The following PRKAR1B variants were observed in gnomAD, a reference collection of about 807,000 sequenced individuals.
PRKAR1B encodes the protein cAMP-dependent protein kinase type I-beta regulatory subunit.
PRKAR1B carries 22 observed loss-of-function variants against 46.5 expected under a neutral mutation model. The observed-to-expected ratio is 0.47, with a 90% CI of 0.34 to 0.68. The LOEUF (loss-of-function observed/expected upper bound fraction) is 0.68. Ranked by LOEUF, PRKAR1B falls within the 30% of genes least tolerant of loss-of-function variation. PRKAR1B has a pLI of 0.01. For missense variants in PRKAR1B, 445 were observed against 535.6 expected, an observed-to-expected ratio of 0.83 and a Z score of 1.67; for synonymous variants, 259 against 217.7, an observed-to-expected ratio of 1.19 and a Z score of -1.67.
At chr7:561,387 G>GT (rs903088620) in intron 9 of PRKAR1B, among the ~76,000 whole-genome samples, 2 of 152,196 alleles carry the variant, frequency 1.3e-5, no homozygotes, top group African/African-American at 2.4e-5. Context: ...GCATTTTTAT[G>GT]TTTTTTTAAG....
At position 630,755 on chromosome 7, in the gene PRKAR1B, T is replaced by C. The variant is rs367722377; in HGVS notation, c.441-23303A>G. Among the ~76,000 whole-genome samples, 26 of 151,898 alleles carry C rather than the reference T, an allele frequency of 1.7e-4. No homozygotes were observed. In the East Asian group the frequency reaches 5.1e-3, roughly 30 times the overall value. On this transcript the variant is annotated intron_variant, in intron 4 of 10. Coordinates refer to ENST00000537384, the MANE Select transcript of PRKAR1B (RefSeq NM_001164760.2). ...TCAGGACCAGGGAGACAGACAGGGATTGCAAACTCAGCCACCCCCAGGCCC... is the reference window on the plus strand; with the variant it reads ...TCAGGACCAGGGAGACAGACAGGGACTGCAAACTCAGCCACCCCCAGGCCC...
chr7:605,746 A>G (rs1205161226), intron 6 of PRKAR1B, among the ~76,000 whole-genome samples: 2 of 152,142 alleles, frequency 1.3e-5, no homozygotes, highest in Non-Finnish European at 2.9e-5. Flanking sequence ...CAGGCGCAAA[A>G]GGCAGCCGTT....
chr7:604,210 G>A (rs1417715570), intron 6 of PRKAR1B, among the ~76,000 whole-genome samples: 1 of 152,340 alleles, frequency 6.6e-6, no homozygotes, highest in Non-Finnish European at 1.5e-5. Flanking sequence ...CGGCTGGGAT[G>A]CTGGCCGCAT....
chr7:580,590 A>G (rs1780117184), intron 8 of PRKAR1B, among the ~76,000 whole-genome samples: 1 of 152,144 alleles, frequency 6.6e-6, no homozygotes, highest in Admixed American at 6.5e-5. Context: ...TTATCTTTAA[A>G]TGCTTGCAAA....
intron 9 of PRKAR1B, among the ~76,000 whole-genome samples, chr7:554,662 G>C (rs1382086645): frequency 6.7e-6 from 1 of 149,232 alleles, no homozygotes; most frequent in African/African-American, 2.5e-5. Flanking sequence ...AGAGCCAGAA[G>C]ACAGGGGAGG....
intron 9 of PRKAR1B, among the ~76,000 whole-genome samples, chr7:563,951 G>A (rs1778980189): frequency 6.6e-6 from 1 of 152,112 alleles, no homozygotes; most frequent in South Asian, 2.1e-4. Flanking sequence ...GTGCACACTG[G>A]CTGATTATGT....
At chr7:551,199 A>G (rs111891169) in intron 10 of PRKAR1B, among the ~76,000 whole-genome samples, 190 bp downstream of exon 10, 3,364 of 152,168 alleles carry the variant, frequency 0.022, 128 homozygotes, top group East Asian at 0.15. Flanking sequence ...GGGGACCCAG[A>G]CCTGGCCCTG....
rs564734408 is a variant in PRKAR1B, at chr7:644,387, G to C, written c.440+32842C>G. ...AAACTGAGGCGCGCACATTCGGAAC[G>C]GGGTTTTGCTCCTCCTTGGGTGTGC... On this transcript the variant is annotated intron_variant, in intron 4 of 10. Coordinates refer to ENST00000537384, the MANE Select transcript of PRKAR1B (RefSeq NM_001164760.2). The surrounding 1 kb of genome is among the most constrained non-coding windows in gnomAD (Gnocchi z 4.9). Among the ~76,000 whole-genome samples the C allele has an allele frequency of 1.8e-4, 28 of 152,296 alleles. No individual in the cohort carries two copies. The highest frequency in any genetic ancestry group is 1.6e-3 in the Admixed American group (25 of 15,294).
intron 7 of PRKAR1B, among the ~76,000 whole-genome samples, chr7:590,831 C>T (rs1199859907): frequency 1.3e-5 from 2 of 152,090 alleles, no homozygotes; most frequent in Non-Finnish European, 2.9e-5. Context: ...GGTGCCTGAA[C>T]GAACCGGGCT....
At chr7:619,951 A>G (rs1231730135) in intron 4 of PRKAR1B, among the ~76,000 whole-genome samples, 1 of 151,806 alleles carries the variant, frequency 6.6e-6, no homozygotes, top group Non-Finnish European at 1.5e-5. Context: ...CCTGGGCTCA[A>G]GTGATCCTCC....
At chr7:705,466 C>T (rs1036511126) in intron 2 of PRKAR1B, among the ~76,000 whole-genome samples, 7 of 152,092 alleles carry the variant, frequency 4.6e-5, no homozygotes, top group Non-Finnish European at 1.0e-4. Context: ...GACAGACATT[C>T]TGGAAAACAG....
At chr7:677,207 G>T (rs370112300) in intron 4 of PRKAR1B, 22 bp downstream of exon 4, 8 of 1,612,704 alleles carry the variant, frequency 5.0e-6, no homozygotes, top group Non-Finnish European at 6.8e-6. Context: ...GTGATGCCGG[G>T]GCAGGGGACG....
intron 4 of PRKAR1B, among the ~76,000 whole-genome samples, chr7:619,200 C>G (rs1782985192): frequency 6.6e-6 from 1 of 152,146 alleles, no homozygotes; most frequent in Non-Finnish European, 1.5e-5. Flanking sequence ...AGCAGGGAGG[C>G]AACACGGCAC....
At chr7:677,412 G>C in intron 3 of PRKAR1B, 92 bp from the exon 4 acceptor site, 2 of 1,038,062 alleles carry the variant, frequency 1.9e-6, no homozygotes, top group Non-Finnish European at 3.0e-6. Flanking sequence ...TCAGCCTGCT[G>C]TTATCAGGCA....
intron 9 of PRKAR1B, among the ~76,000 whole-genome samples, chr7:571,949 G>A (rs984074216): frequency 3.9e-5 from 6 of 152,204 alleles, no homozygotes; most frequent in Admixed American, 1.3e-4. Context: ...ACTGGGGAGC[G>A]AGCCGGGTGT....
rs566391338 is a variant in PRKAR1B at position 673,783 on chromosome 7, A to G, written c.440+3446T>C. ...AGCAAGTACAGCAGGTCCTGAAACA[A>G]CAGAAACGTATCGTCTCTGCAGTTC... On this transcript the variant is annotated intron_variant, in intron 4 of 10. Coordinates refer to ENST00000537384, the MANE Select transcript of PRKAR1B (RefSeq NM_001164760.2). Among the ~76,000 whole-genome samples the G allele has an allele frequency of 7.8e-4, 119 of 152,298 alleles. 2 individuals are homozygous for G. The highest frequency in any genetic ancestry group is 7.4e-5 in the Non-Finnish European group (5 of 68,016).
At chr7:637,793 A>G (rs919476080) in intron 4 of PRKAR1B, among the ~76,000 whole-genome samples, 12 of 152,194 alleles carry the variant, frequency 7.9e-5, no homozygotes, top group Admixed American at 7.9e-4. Flanking sequence ...AGATCGCACC[A>G]CTGCACTCCA....
chr7:683,970 C>T (rs923202424), intron 2 of PRKAR1B, among the ~76,000 whole-genome samples: 3 of 145,940 alleles, frequency 2.1e-5, no homozygotes, highest in African/African-American at 5.1e-5. Context: ...TGCCCATCTC[C>T]GTGTGCCAAT....
intron 1 of PRKAR1B, 119 bp downstream of exon 1, chr7:727,091 G>A: frequency 9.5e-7 from 1 of 1,055,228 alleles, no homozygotes; most frequent in Non-Finnish European, 1.1e-6. Flanking sequence ...CTCGCCGCGC[G>A]CTTGGCCGGC....
Sources: allele counts gnomAD v4.1 joint callset (sites outside exome capture counted in the v4.1 genomes callset), GRCh38; gene constraint gnomAD v4.1.1; non-coding constraint Gnocchi (gnomAD v3.1); transcripts MANE v1.5; gene names NCBI Gene and HGNC (gene_info 2026-07-23, HGNC 2026-07-21).